ZCCHC14: variants seen among roughly 807,000 people sequenced by gnomAD.
ZCCHC14 encodes zinc finger CCHC domain-containing protein 14.
A neutral mutation model predicts 85.0 loss-of-function variants in ZCCHC14; 16 were observed. The observed-to-expected ratio is 0.19, with a 90% CI of 0.13 to 0.29. ZCCHC14 has a LOEUF of 0.29. ZCCHC14 is among the 10% of genes least tolerant of loss of function. The pLI is 1.00. For missense variants in ZCCHC14, 1,303 were observed against 1,443.5 expected (o/e 0.90, Z 1.58); for synonymous variants, 775 against 630.7 (o/e 1.23, Z -3.43).
rs560548859 is a variant in ZCCHC14 at position 87,488,601 on chromosome 16, C to T, written c.570+3068G>A. On this transcript the variant is annotated intron_variant, in intron 1 of 12. Transcript: ENST00000671377. Reference sequence around the variant, plus strand: ...AATTTAAAAAAAATTTTTTGAGACACAGTCTCACTCTGTCACCCAGGCTGG... The same window carrying T: ...AATTTAAAAAAAATTTTTTGAGACATAGTCTCACTCTGTCACCCAGGCTGG... Among the ~76,000 whole-genome samples the T allele has an allele frequency of 2.6e-5, 4 of 152,286 alleles. No individual in the cohort carries two copies. The South Asian group carries it at 6.2e-4, about 24-fold the overall frequency.
chr16:87,479,416 CAAAAAAA>C (rs35830701), intron 1 of ZCCHC14, among the ~76,000 whole-genome samples: 1 of 119,342 alleles, frequency 8.4e-6, no homozygotes, highest in Non-Finnish European at 1.9e-5. Context: ...GACTACGTCT[CAAAAAAA>C]AAAAAAAAGA....
At chr16:87,446,480 T>G (rs896224311) in intron 2 of ZCCHC14, among the ~76,000 whole-genome samples, 104 of 50,762 alleles carry the variant, frequency 2.0e-3, no homozygotes, top group Non-Finnish European at 3.3e-3. Flanking sequence ...GGAGACTCCA[T>G]CTCAAAAAAA....
Position 87,492,934 on chromosome 16 carries a change from G to A in ZCCHC14, c.-696C>T, listed in dbSNP as rs1333479197. ...CGGCGGCGGCGGCGACGGCGACGGC[G>A]ACGGCGACGGCGACGGCGGAGGAGG... On this transcript the variant is annotated 5_prime_UTR_variant, in exon 1 of 13. Coordinates refer to ENST00000671377, the MANE Select transcript of ZCCHC14 (RefSeq NM_015144.3). This position sits in a 1 kb window ranked among gnomAD's most constrained non-coding sequence, Gnocchi z 6.7. Among the ~76,000 whole-genome samples the A allele has an allele frequency of 6.7e-6, 1 of 148,910 alleles. No homozygotes were observed. The highest frequency in any genetic ancestry group is 1.5e-5 in the Non-Finnish European group (1 of 67,374).
intron 4 of ZCCHC14, among the ~76,000 whole-genome samples, chr16:87,423,376 A>C (rs2150730817): frequency 6.6e-6 from 1 of 152,284 alleles, no homozygotes; most frequent in Middle Eastern, 3.4e-3. Flanking sequence ...AGCAAGATCC[A>C]GTCTCTTAAA....
chr16:87,460,192 T>C (rs1343468646), intron 1 of ZCCHC14, 61 bp from the exon 2 acceptor site: 3 of 1,573,210 alleles, frequency 1.9e-6, no homozygotes, highest in Non-Finnish European at 8.6e-7. Context: ...GGGACAATTT[T>C]ATTTGTTAAT....
At chr16:87,459,202 G>T (rs991693383) in intron 2 of ZCCHC14, among the ~76,000 whole-genome samples, 1 of 152,224 alleles carries the variant, frequency 6.6e-6, no homozygotes, top group Non-Finnish European at 1.5e-5. Context: ...GTGCGCGGAA[G>T]GCACGTGTGG....
chr16:87,485,002 A>C (rs1177107479), intron 1 of ZCCHC14, among the ~76,000 whole-genome samples: 1 of 152,162 alleles, frequency 6.6e-6, no homozygotes, highest in Non-Finnish European at 1.5e-5. Flanking sequence ...ACACAAGAGA[A>C]ACTAAGGAGG....
At chr16:87,485,935 A>G (rs1912496621) in intron 1 of ZCCHC14, among the ~76,000 whole-genome samples, 1 of 152,246 alleles carries the variant, frequency 6.6e-6, no homozygotes, top group South Asian at 2.1e-4. Flanking sequence ...ATCTCCAGTT[A>G]TCTTCGCACT....
At chr16:87,477,835 C>G (rs1362335506) in intron 1 of ZCCHC14, among the ~76,000 whole-genome samples, 2 of 147,966 alleles carry the variant, frequency 1.4e-5, no homozygotes, top group South Asian at 4.4e-4. Flanking sequence ...CTCCACGCAT[C>G]GCTCCCGAGT....
chr16:87,411,360 C>T (rs1291196809), intron 12 of ZCCHC14, 156 bp downstream of exon 12: 8 of 1,506,426 alleles, frequency 5.3e-6, no homozygotes, highest in African/African-American at 2.8e-5. Context: ...TTCTGGGGAC[C>T]TCACGGCCTA....
chr16:87,460,175 T>G (rs1911189443), intron 1 of ZCCHC14, 44 bp from the exon 2 acceptor site: 3 of 1,591,610 alleles, frequency 1.9e-6, no homozygotes, highest in African/African-American at 2.7e-5. Context: ...TCCCACGGAG[T>G]TAATAGGGGA....
chr16:87,433,144 AC>A lies in ZCCHC14; in HGVS notation c.751del (p.Val251LeufsTer14). The stretch of plus-strand genomic sequence containing the variant: ...GCATCTTACCTCAAAGGAACATTCA[AC>A]ATTTCTGTCATTTTTTGTGTGTGAT... ...GLSHTKNDRN[V>X]ECSFEVLWSD... On this transcript the variant is annotated frameshift_variant, in exon 3 of 13. Transcript: ENST00000671377. LOFTEE classifies it high-confidence loss of function. 6.2e-7 allele frequency: 1 copy of A among 1,614,184 alleles called. No homozygotes were observed. The highest frequency in any genetic ancestry group is 8.5e-7 in the Non-Finnish European group (1 of 1,180,028).
intron 4 of ZCCHC14, among the ~76,000 whole-genome samples, chr16:87,423,138 C>T (rs779714880): frequency 1.3e-5 from 2 of 152,236 alleles, no homozygotes; most frequent in Admixed American, 6.5e-5. Flanking sequence ...CAGTCGTTCA[C>T]GCTACAGCAC....
chr16:87,451,080 A>G (rs1290330907), intron 2 of ZCCHC14, among the ~76,000 whole-genome samples: 1 of 147,156 alleles, frequency 6.8e-6, no homozygotes, highest in East Asian at 2.1e-4. Context: ...TTGTATTTTT[A>G]GTAGAAATGG....
At chr16:87,457,601 A>AT (rs1346656166) in intron 2 of ZCCHC14, among the ~76,000 whole-genome samples, 1 of 152,232 alleles carries the variant, frequency 6.6e-6, no homozygotes. Flanking sequence ...ATACTAAGAA[A>AT]TTTTTTAAAT....
chr16:87,479,059 T>C (rs1056612739), intron 1 of ZCCHC14, among the ~76,000 whole-genome samples: 1 of 152,144 alleles, frequency 6.6e-6, no homozygotes, highest in Non-Finnish European at 1.5e-5. Context: ...TTTTTTCAAG[T>C]CTAGACTATA....
At chr16:87,433,028 G>A (rs1475829122) in intron 3 of ZCCHC14, 100 bp downstream of exon 3, 151 of 1,210,094 alleles carry the variant, frequency 1.2e-4, no homozygotes, top group Non-Finnish European at 1.7e-4. Context: ...ACGGGGCTTT[G>A]CACAAGGCAC....
In ZCCHC14 at chr16:87,418,639, G is replaced by C. The variant is rs78576545; in HGVS notation, c.1100+208C>G. On this transcript the variant is annotated intron_variant, in intron 7 of 12. Coordinates refer to ENST00000671377, the MANE Select transcript of ZCCHC14 (RefSeq NM_015144.3). ...GGGGCCCAGGACCTTGCACTGGGGA[G>C]GAGTCCCTGGGAATTCTGATTCCAG... Among the ~76,000 whole-genome samples the C allele has an allele frequency of 8.0e-3, 1,213 of 152,312 alleles. 15 individuals carry two copies. Among genetic ancestry groups the C allele is most frequent in the African/African-American group, 0.027 (1,128 of 41,566 alleles).
At chr16:87,466,839 A>G (rs1188446964) in intron 1 of ZCCHC14, among the ~76,000 whole-genome samples, 2 of 151,682 alleles carry the variant, frequency 1.3e-5, no homozygotes, top group African/African-American at 4.8e-5. Context: ...GATGGCTTCC[A>G]CTCTCCATGG....
Sources: allele counts gnomAD v4.1 joint callset (sites outside exome capture counted in the v4.1 genomes callset), GRCh38; gene constraint gnomAD v4.1.1; non-coding constraint Gnocchi (gnomAD v3.1); transcripts MANE v1.5; gene names NCBI Gene and HGNC (gene_info 2026-07-23, HGNC 2026-07-21).